Variants in WWC1 observed in about 807,000 individuals in gnomAD.
WWC1 encodes protein KIBRA.
WWC1 carries 55 observed loss-of-function variants against 138.4 expected under a neutral mutation model. The ratio of observed to expected loss-of-function variants is 0.40; its 90% confidence interval spans 0.32 to 0.50. The LOEUF (loss-of-function observed/expected upper bound fraction) is 0.50. Ranked by LOEUF, WWC1 falls within the 20% of genes least tolerant of loss-of-function variation. The probability of loss-of-function intolerance (pLI) is 0.72; values close to 1 mark genes in which losing one functional copy is unlikely to be tolerated. For synonymous variants in WWC1, 524 were observed against 564.9 expected (o/e 0.93, Z 1.03); for missense variants, 1,226 against 1,420.4 (o/e 0.86, Z 2.20).
chr5:168,312,626 G>GC (rs1771216335), intron 1 of WWC1, among the ~76,000 whole-genome samples: 1 of 152,160 alleles, frequency 6.6e-6, no homozygotes, highest in South Asian at 2.1e-4. Context: ...GGACTTCATG[G>GC]CCCCAGCCTA....
chr5:168,318,418 C>G (rs1771787331), intron 1 of WWC1, among the ~76,000 whole-genome samples: 1 of 152,174 alleles, frequency 6.6e-6, no homozygotes, highest in Non-Finnish European at 1.5e-5. Context: ...GCAACCATCA[C>G]CACCATCCAT....
In WWC1 at chr5:168,405,484, G is replaced by A. The variant is rs187023979; in HGVS notation, c.591-714G>A. On this transcript the variant is annotated intron_variant, in intron 5 of 22. Coordinates refer to ENST00000265293, the MANE Select transcript of WWC1 (RefSeq NM_015238.3). ...CCAAGCCTCCCAGAGTCAAGTCAAC[G>A]ATGCTACCGCATAAACTATAAATTA... Among the ~76,000 whole-genome samples, 417 of 152,270 alleles carry A rather than the reference G, an allele frequency of 2.7e-3. 1 individual carries two copies. The highest frequency in any genetic ancestry group is 2.5e-3 in the Non-Finnish European group (167 of 68,024).
At chr5:168,441,183 A>G (rs150642996) in intron 15 of WWC1, among the ~76,000 whole-genome samples, 18 of 152,352 alleles carry the variant, frequency 1.2e-4, no homozygotes, top group African/African-American at 4.3e-4. Context: ...CAAATGCTAT[A>G]TGATTCCAAT....
At chr5:168,297,626 CA>C (rs70976474) in intron 1 of WWC1, among the ~76,000 whole-genome samples, 12,250 of 54,734 alleles carry the variant, frequency 0.22, 283 homozygotes, top group Admixed American at 0.3. Flanking sequence ...AACTCCATCT[CA>C]AAAAAAAAAA....
chr5:168,397,712 T>C lies in WWC1; in HGVS notation c.434-12T>C. The C allele has an allele frequency of 6.2e-7, 1 of 1,613,888 alleles. No individual in the cohort carries two copies. The highest frequency in any genetic ancestry group is 1.1e-5 in the South Asian group (1 of 91,076). ...TTCTACTGATATTCTTGTTTTTCTT[T>C]TTTCCTTACAGTGGTCTCTGGTTCA... On this transcript the variant is annotated splice_polypyrimidine_tract_variant and intron_variant, in intron 3 of 22. Coordinates refer to ENST00000265293, the MANE Select transcript of WWC1 (RefSeq NM_015238.3).
intron 20 of WWC1, among the ~76,000 whole-genome samples, chr5:168,461,585 G>A (rs1054435021): frequency 5.3e-5 from 8 of 152,194 alleles, no homozygotes; most frequent in African/African-American, 1.9e-4. Flanking sequence ...AGTGGAGACT[G>A]AGCTGAGCCA....
chr5:168,369,895 A>ATT (rs35999257), intron 1 of WWC1, among the ~76,000 whole-genome samples: 8,097 of 88,838 alleles, frequency 0.091, 922 homozygotes, highest in African/African-American at 0.25. Context: ...TCATTGTGCA[A>ATT]TTTTTTTTTT....
At position 168,299,309 on chromosome 5, in the gene WWC1, A is replaced by G. The variant is rs529854822; in HGVS notation, c.119+7038A>G. On this transcript the variant is annotated intron_variant, in intron 1 of 22. Coordinates refer to ENST00000265293, the MANE Select transcript of WWC1 (RefSeq NM_015238.3). ...AATGGGTGAACCTGATGTGGATCTC[A>G]GGGAGAGACTTTGCTAAGGAGCCTT... 3.6e-4 allele frequency among the ~76,000 whole-genome samples: 55 copies of G among 152,206 alleles called. 1 individual carries two copies. The South Asian group carries it at 0.01, about 29-fold the overall frequency.
intron 3 of WWC1, among the ~76,000 whole-genome samples, chr5:168,396,119 C>T (rs1778880820): frequency 6.6e-6 from 1 of 151,450 alleles, no homozygotes; most frequent in Non-Finnish European, 1.5e-5. Flanking sequence ...TGCGGTGGCT[C>T]ACGCCTGTAA....
chr5:168,462,596 C>T (rs932687048), intron 20 of WWC1, among the ~76,000 whole-genome samples: 16 of 152,238 alleles, frequency 1.1e-4, no homozygotes, highest in African/African-American at 3.6e-4. Context: ...GCTCCCCCTG[C>T]GTTTCCCACA....
At chr5:168,449,570 C>CTTTTTT (rs10636051) in intron 17 of WWC1, among the ~76,000 whole-genome samples, 8 of 90,738 alleles carry the variant, frequency 8.8e-5, no homozygotes, top group Non-Finnish European at 1.0e-4. Context: ...TTTAACAGCT[C>CTTTTTT]TTTTTTTTTT....
chr5:168,293,116 C>T (rs7718390), intron 1 of WWC1, among the ~76,000 whole-genome samples: 19,152 of 152,202 alleles, frequency 0.13, 1,675 homozygotes, highest in Non-Finnish European at 0.17. Flanking sequence ...TGTGCAGAGG[C>T]AGATGGAGCC....
At chr5:168,408,482 C>T in intron 6 of WWC1, 25 bp from the exon 7 acceptor site, 1 of 1,612,392 alleles carries the variant, frequency 6.2e-7, no homozygotes, top group Non-Finnish European at 8.5e-7. Context: ...AGGCGCATCA[C>T]TAACCCTGCT....
chr5:168,320,732 G>A (rs1217868629), intron 1 of WWC1, among the ~76,000 whole-genome samples: 1 of 152,128 alleles, frequency 6.6e-6, no homozygotes, highest in Non-Finnish European at 1.5e-5. Flanking sequence ...GGCCTTGGGA[G>A]GCTGAAATGA....
intron 1 of WWC1, among the ~76,000 whole-genome samples, chr5:168,358,687 GA>G (rs936794791): frequency 4.6e-4 from 70 of 152,214 alleles, no homozygotes; most frequent in African/African-American, 1.6e-3. Flanking sequence ...ATGTTGCATT[GA>G]ATTGACGATT....
rs182674750 is a variant in WWC1 at position 168,299,060 on chromosome 5, G to A, written c.119+6789G>A. Among the ~76,000 whole-genome samples the A allele has an allele frequency of 1.9e-3, 283 of 152,266 alleles. 1 individual carries two copies. The highest frequency in any genetic ancestry group is 6.4e-3 in the African/African-American group (265 of 41,538). On this transcript the variant is annotated intron_variant, in intron 1 of 22. Coordinates refer to ENST00000265293, the MANE Select transcript of WWC1 (RefSeq NM_015238.3). ...AGATCGCGCCTCTGCACTCTAGCCT[G>A]GGCAACAAGGGCGAAACGCCATCTC...
chr5:168,452,933 G>A (rs6876316), intron 17 of WWC1, among the ~76,000 whole-genome samples: 95,042 of 152,080 alleles, frequency 0.62, 29,957 homozygotes, highest in Middle Eastern at 0.7. Flanking sequence ...ATGATAAAAA[G>A]GAGTGAACTG....
At chr5:168,467,731 A>T in intron 21 of WWC1, 109 bp from the exon 22 acceptor site, 2 of 1,488,262 alleles carry the variant, frequency 1.3e-6, no homozygotes, top group Non-Finnish European at 1.8e-6. Context: ...ATGGAGCAAG[A>T]GTGAGGGTGC....
At chr5:168,339,863 C>G (rs796786457) in intron 1 of WWC1, among the ~76,000 whole-genome samples, 2 of 123,602 alleles carry the variant, frequency 1.6e-5, no homozygotes, top group Admixed American at 1.5e-4. Context: ...CTCTCTTTCT[C>G]TCTCTCTCTC....
Sources: allele counts gnomAD v4.1 joint callset (sites outside exome capture counted in the v4.1 genomes callset), GRCh38; gene constraint gnomAD v4.1.1; transcripts MANE v1.5; gene names NCBI Gene and HGNC (gene_info 2026-07-23, HGNC 2026-07-21).